Variants in CNR2 observed in about 807,000 individuals in gnomAD.
The protein encoded by CNR2 is cannabinoid receptor 2 (macrophage).
For missense variants in CNR2, 379 were observed against 439.9 expected, an observed-to-expected ratio of 0.86 and a Z score of 1.24; for synonymous variants, 172 against 182.2, an observed-to-expected ratio of 0.94 and a Z score of 0.45.
rs116958167 is a variant in CNR2 at position 23,909,643 on chromosome 1, T to C, written c.-46+3603A>G. Among the ~76,000 whole-genome samples, 653 of 152,198 alleles carry C rather than the reference T, an allele frequency of 4.3e-3. 6 individuals carry two copies. In the East Asian group the frequency reaches 0.044, roughly 10 times the overall value. ...AGAGTAGACACCTCACAAGACTGGA[T>C]TGGACTGCTCAGTTTGGGGTGGGAG... On this transcript the variant is annotated intron_variant, in intron 1 of 1. Coordinates refer to ENST00000374472, the MANE Select transcript of CNR2 (RefSeq NM_001841.3).
chr1:23,877,123 A>C (rs1020992131), intron 1 of CNR2, among the ~76,000 whole-genome samples: 5 of 148,390 alleles, frequency 3.4e-5, no homozygotes, highest in Non-Finnish European at 7.4e-5. Flanking sequence ...ACTTTCAATA[A>C]CTTCATATAA....
Position 23,874,878 on chromosome 1 carries a change from A to G in CNR2, c.740T>C (p.Leu247Pro). Residue 247 changes from leucine (L) to proline (P), a missense_variant, in exon 2 of 2, where the codon CTA becomes CCA. Physicochemically the swap from Leu to Pro is moderately conservative, Grantham distance 98 (BLOSUM62 -3). Coordinates refer to ENST00000374472, the MANE Select transcript of CNR2 (RefSeq NM_001841.3). ...MRLDVRLAKT[L>P]GLVLAVLLIC... ...GAGGAGCACAGCCAACACTAGCCCT[A>G]GGGTCTTGGCCAACCTCACATCCAG... is the stretch of plus-strand genomic sequence containing the variant. The G allele has an allele frequency of 6.2e-7, 1 of 1,614,152 alleles. No individual in the cohort carries two copies. The highest frequency in any genetic ancestry group is 8.5e-7 in the Non-Finnish European group (1 of 1,180,016).
chr1:23,911,696 C>G (rs1345080135), intron 1 of CNR2, among the ~76,000 whole-genome samples: 1 of 152,100 alleles, frequency 6.6e-6, no homozygotes, highest in African/African-American at 2.4e-5. Context: ...AGGGGGCTGG[C>G]GCTGGAGGGC....
At chr1:23,881,315 G>A (rs921571685) in intron 1 of CNR2, among the ~76,000 whole-genome samples, 1 of 151,834 alleles carries the variant, frequency 6.6e-6, no homozygotes, top group Non-Finnish European at 1.5e-5. Flanking sequence ...AAAAATTACT[G>A]GTTGGGCATG....
chr1:23,903,401 C>G (rs988212061), intron 1 of CNR2, among the ~76,000 whole-genome samples: 2 of 151,020 alleles, frequency 1.3e-5, no homozygotes, highest in African/African-American at 4.9e-5. Context: ...ATAGGAAGAC[C>G]CCGCCTCTAC....
chr1:23,901,512 C>T lies in CNR2; in HGVS notation c.-46+11734G>A. ...AGCTCAGGGATCTGCCCACCCTGGA[C>T]CCCAGTCCCGTTGGTGCTGTCCGAG... is the stretch of plus-strand genomic sequence containing the variant. On this transcript the variant is annotated intron_variant, in intron 1 of 1. Coordinates refer to ENST00000374472, the MANE Select transcript of CNR2 (RefSeq NM_001841.3). 3 of 1,597,006 alleles carry T rather than the reference C, an allele frequency of 1.9e-6. No individual in the cohort carries two copies. In the South Asian group the frequency reaches 3.4e-5, roughly 18 times the overall value.
intron 1 of CNR2, among the ~76,000 whole-genome samples, chr1:23,899,275 G>A (rs1237754960): frequency 6.6e-6 from 1 of 152,170 alleles, no homozygotes; most frequent in Non-Finnish European, 1.5e-5. Context: ...GACCACAGAA[G>A]TTGGGCAGCC....
chr1:23,886,583 G>T (rs1389675067), intron 1 of CNR2, among the ~76,000 whole-genome samples: 1 of 152,212 alleles, frequency 6.6e-6, no homozygotes, highest in South Asian at 2.1e-4. Context: ...CCCTCTTCTA[G>T]GGTGGATTCT....
intron 1 of CNR2, among the ~76,000 whole-genome samples, chr1:23,880,201 G>A (rs528149248): frequency 9.8e-3 from 66 of 6,762 alleles, no homozygotes; most frequent in African/African-American, 0.014. Context: ...TTTTTGAGAC[G>A]GAGTCTCACT....
Position 23,874,468 on chromosome 1 carries a change from C to T in CNR2, c.*67G>A. The T allele has an allele frequency of 6.6e-7, 1 of 1,508,740 alleles. No homozygotes were observed. The highest frequency in any genetic ancestry group is 1.4e-5 in the African/African-American group (1 of 71,732). The allele number at this position is 1,508,740 out of a possible 1,614,324, so 93.5% of individuals were successfully genotyped here. A position where few individuals can be genotyped will look rare whatever the true frequency, so the allele number is the denominator to read the frequency against. ...TTAAGTAAGAAGAGAGTGCCAAGAC[C>T]CCTCTCTCTCTTCCAGGGAGTGAAC... On this transcript the variant is annotated 3_prime_UTR_variant, in exon 2 of 2. Coordinates refer to ENST00000374472, the MANE Select transcript of CNR2 (RefSeq NM_001841.3).
intron 1 of CNR2, among the ~76,000 whole-genome samples, chr1:23,878,008 A>T (rs1378523644): frequency 6.6e-6 from 1 of 152,176 alleles, no homozygotes; most frequent in Non-Finnish European, 1.5e-5. Context: ...CTCACAATGC[A>T]GAACAAAGAG....
intron 1 of CNR2, among the ~76,000 whole-genome samples, chr1:23,882,952 G>A (rs1640018749): frequency 1.3e-5 from 2 of 152,028 alleles, no homozygotes; most frequent in Admixed American, 6.6e-5. Flanking sequence ...AATAATAAGA[G>A]CAGAAATTAA....
At position 23,875,316 on chromosome 1, in the gene CNR2, T is replaced by G. The variant is rs778345235; in HGVS notation, c.302A>C (p.Asp101Ala). ...CTTCAGCAGGAAGACAGCCTTGGAA[T>G]CCACACCATGGAAAACATGGAAATT... ...FVNFHVFHGV[D>A]SKAVFLLKIG... Residue 101 changes from aspartate to alanine, a missense_variant, in exon 2 of 2, where the codon GAT (aspartate) becomes GCT (alanine). By Grantham distance (126) the Asp-to-Ala change is moderately radical (BLOSUM62 -2). Coordinates refer to ENST00000374472, the MANE Select transcript of CNR2 (RefSeq NM_001841.3). The G allele has an allele frequency of 3.1e-6, 5 of 1,614,084 alleles. No homozygotes were observed. In the South Asian group the frequency reaches 5.5e-5, roughly 18 times the overall value.
intron 1 of CNR2, among the ~76,000 whole-genome samples, chr1:23,905,601 G>A (rs1233373471): frequency 2.0e-5 from 3 of 152,110 alleles, no homozygotes; most frequent in East Asian, 1.9e-4. Context: ...CATCAGCAGA[G>A]AGGCTTGACT....
At chr1:23,890,737 C>G (rs1304098175) in intron 1 of CNR2, among the ~76,000 whole-genome samples, 1 of 85,586 alleles carries the variant, frequency 1.2e-5, no homozygotes. Context: ...AAGAGTGAGA[C>G]TCTGTCTCAA....
At chr1:23,908,170 G>A (rs574943527) in intron 1 of CNR2, among the ~76,000 whole-genome samples, 3 of 151,914 alleles carry the variant, frequency 2.0e-5, no homozygotes, top group East Asian at 3.9e-4. Flanking sequence ...TAGTAGAGAC[G>A]GGGTTTCACC....
chr1:23,892,039 A>C (rs952392518), intron 1 of CNR2, among the ~76,000 whole-genome samples: 2 of 152,170 alleles, frequency 1.3e-5, no homozygotes, highest in African/African-American at 4.8e-5. Context: ...GACACTTCTC[A>C]CCACTCCAAG....
chr1:23,877,112 C>T (rs891106119), intron 1 of CNR2, among the ~76,000 whole-genome samples: 8 of 151,426 alleles, frequency 5.3e-5, no homozygotes, highest in African/African-American at 1.9e-4. Context: ...AGTAGAATTC[C>T]ACTTTCAATA....
chr1:23,909,690 T>G (rs1016594938), intron 1 of CNR2, among the ~76,000 whole-genome samples: 9 of 152,108 alleles, frequency 5.9e-5, no homozygotes, highest in African/African-American at 2.2e-4. Context: ...GCCATATTCA[T>G]ATGATATCCC....
Sources: gnomAD v4.1 joint callset for allele counts (sites outside exome capture counted in the v4.1 genomes callset) on GRCh38, gnomAD v4.1.1 for gene constraint, MANE v1.5 for transcripts, NCBI Gene and HGNC (gene_info 2026-07-23, HGNC 2026-07-21) for gene names.